The following CKAP2 variants were observed in gnomAD, a reference collection of about 807,000 sequenced individuals.
CKAP2 encodes cytoskeleton-associated protein 2.
A neutral mutation model predicts 58.4 loss-of-function variants in CKAP2; 46 were observed. The observed-to-expected ratio is 0.79, with a 90% CI of 0.62 to 1.01. The LOEUF (loss-of-function observed/expected upper bound fraction) is 1.01, where lower values mean the gene tolerates loss of function less well. CKAP2 is among the 50% of genes least tolerant of loss of function. The probability of loss-of-function intolerance (pLI) is 0.00; values close to 1 mark genes in which losing one functional copy is unlikely to be tolerated. For missense variants in CKAP2, 809 were observed against 796.4 expected, an observed-to-expected ratio of 1.02 and a Z score of -0.19; for synonymous variants, 293 against 280.9, an observed-to-expected ratio of 1.04 and a Z score of -0.43.
At chr13:52,464,531 C>T (rs540652680) in intron 5 of CKAP2, among the ~76,000 whole-genome samples, 19 of 101,368 alleles carry the variant, frequency 1.9e-4, no homozygotes, top group Middle Eastern at 9.1e-3. Context: ...CCAGCCTGGG[C>T]AACAAGAGCA....
rs192868791 is a variant in CKAP2 at position 52,465,316 on chromosome 13, C to T, written c.1327C>T (p.Leu443=). 3.7e-5 allele frequency: 60 copies of T among 1,612,046 alleles called. No homozygotes were observed. In the East Asian group the frequency reaches 1.3e-3, roughly 35 times the overall value. The change falls in exon 6 of 9, where the codon CTG becomes TTG. Residue 443 remains leucine, a synonymous_variant. Transcript: ENST00000258607. ...TTAGGGATGTCCAAAAGAAGATATA[C>T]TGGTCACACTGAATGACCTGATTAA... ...INEGCPKEDI[L]VTLNDLIKNI...
rs753544014 is a variant in CKAP2 at position 52,461,281 on chromosome 13, A to G, written c.455A>G (p.Asn152Ser). 12 of 1,613,790 alleles carry G rather than the reference A, an allele frequency of 7.4e-6. No homozygotes were observed. The South Asian group carries it at 1.1e-4, about 15-fold the overall frequency. ...AGCCAGGCATTTCACCTTAAAAACA[A>G]TAGTAAAAAGAAACAAATGACTACA... ...TLSQAFHLKN[N>S]SKKKQMTTEK... The change falls in exon 4 of 9, where the codon AAT (asparagine) becomes AGT (serine). Residue 152 changes from asparagine (N) to serine (S), a missense_variant. Coordinates refer to ENST00000258607, the MANE Select transcript of CKAP2 (RefSeq NM_018204.5).
rs995266683 is a variant in CKAP2, at chr13:52,461,270, C to T, written c.444C>T (p.His148=). Residue 148 remains histidine (H), a synonymous_variant, in exon 4 of 9, where the codon CAC becomes CAT. Coordinates refer to ENST00000258607, the MANE Select transcript of CKAP2 (RefSeq NM_018204.5). ...SQHMTLSQAF[H]LKNNSKKKQM... ...ATATGACATTAAGCCAGGCATTTCA[C>T]CTTAAAAACAATAGTAAAAAGAAAC... 1.9e-6 allele frequency: 3 copies of T among 1,613,434 alleles called. No individual in the cohort carries two copies. The African/African-American group carries it at 4.0e-5, about 22-fold the overall frequency.
intron 7 of CKAP2, among the ~76,000 whole-genome samples, chr13:52,470,085 C>G (rs1958740608): frequency 6.6e-6 from 1 of 151,154 alleles, no homozygotes; most frequent in East Asian, 1.9e-4. Context: ...TTAATTTTAA[C>G]AAGAGTCAAA....
rs746422156 is a variant in CKAP2 at position 52,455,569 on chromosome 13, G to A, written c.13G>A (p.Ala5Thr). 4 of 1,612,724 alleles carry A rather than the reference G, an allele frequency of 2.5e-6. 1 individual carries two copies. The South Asian group carries it at 3.3e-5, about 13-fold the overall frequency. ...ACCCGAGGCTACGATGAGCACACCG[G>A]CCGTGCCCCAGGACCTGCAGCTGCC... MSTP[A>T]VPQDLQLPPS... is the part of the protein sequence containing the mutation. The change falls in exon 1 of 9, where the codon GCC (alanine) becomes ACC (threonine). Residue 5 changes from alanine (A) to threonine (T), a missense_variant. By Grantham distance (58) the Ala-to-Thr change is moderately conservative. This residue lies in a region of CKAP2 where 523 missense variants were observed against 492.4 expected (regional missense o/e 1.06). Coordinates refer to ENST00000258607, the MANE Select transcript of CKAP2 (RefSeq NM_018204.5).
In CKAP2 at chr13:52,475,750, G is replaced by A. The variant is rs760393277; in HGVS notation, c.*609G>A. On this transcript the variant is annotated 3_prime_UTR_variant, in exon 9 of 9. Coordinates refer to ENST00000258607, the MANE Select transcript of CKAP2 (RefSeq NM_018204.5). ...GAAAGTGTCTGCACTGACACTTTTC[G>A]TCAGTAGTCTGTAGTTTCGTGGCCT... 1 of 152,168 alleles carries A rather than the reference G, an allele frequency of 6.6e-6. No individual in the cohort carries two copies. Among genetic ancestry groups the A allele is most frequent in the Non-Finnish European group, 1.5e-5 (1 of 68,030 alleles). The allele number at this position is 152,168 out of a possible 1,614,324, so 9.4% of individuals were successfully genotyped here.
At chr13:52,456,286 A>G (rs1236023340) in intron 1 of CKAP2, 1 of 755,266 alleles carries the variant, frequency 1.3e-6, no homozygotes, top group Middle Eastern at 4.6e-4. Flanking sequence ...GATTTTTCAC[A>G]GGGAGTAGAG....
intron 2 of CKAP2, among the ~76,000 whole-genome samples, chr13:52,460,538 G>A (rs12867138): frequency 3.1e-4 from 46 of 149,990 alleles, no homozygotes; most frequent in African/African-American, 1.1e-3. Flanking sequence ...TCCGCCTCCC[G>A]GGTTCATGCC....
chr13:52,465,901 A>T (rs538659637), intron 6 of CKAP2: 7 of 344,236 alleles, frequency 2.0e-5, no homozygotes, highest in Non-Finnish European at 3.4e-5. Flanking sequence ...ATGTACTCAT[A>T]TATGTATATA....
rs1438027789 is a variant in CKAP2, at chr13:52,475,861, T to G, written c.*720T>G. Reference sequence around the variant, plus strand: ...AGAAGATACTTTGTGTAAGAAAAGATGCCACATTTAGTGGTTTAACTTTTG... The same window carrying G: ...AGAAGATACTTTGTGTAAGAAAAGAGGCCACATTTAGTGGTTTAACTTTTG... On this transcript the variant is annotated 3_prime_UTR_variant, in exon 9 of 9. Transcript: ENST00000258607. The G allele has an allele frequency of 6.6e-6, 1 of 152,248 alleles. No homozygotes were observed. The highest frequency in any genetic ancestry group is 2.4e-5 in the African/African-American group (1 of 41,462). 9.4% of individuals were successfully genotyped at this position (152,248 alleles called of 1,614,324 possible).
chr13:52,457,956 A>G (rs1218570144), intron 2 of CKAP2, among the ~76,000 whole-genome samples: 1 of 152,220 alleles, frequency 6.6e-6, no homozygotes, highest in African/African-American at 2.4e-5. Context: ...AAATTTTAAC[A>G]ATAGGTGGAT....
Position 52,461,357 on chromosome 13 carries a change from T to C in CKAP2, c.531T>C (p.Ser177=), listed in dbSNP as rs754111083. ...TGCCCAAGAAACCTGTGCTTGGATC[T>C]TATCGTGGCCAGATTGTTCAGTCTA... ...ANMPKKPVLG[S]YRGQIVQSKI... The change falls in exon 4 of 9, where the codon TCT becomes TCC. Residue 177 remains serine, a synonymous_variant. Transcript: ENST00000258607. 5.6e-6 allele frequency: 9 copies of C among 1,614,234 alleles called. No homozygotes were observed. The Admixed American group carries it at 1.5e-4, about 27-fold the overall frequency.
intron 7 of CKAP2, 47 bp downstream of exon 7, chr13:52,468,394 T>TG: frequency 1.7e-6 from 2 of 1,173,112 alleles, no homozygotes; most frequent in Non-Finnish European, 2.5e-6. Context: ...GTAGTTTTTT[T>TG]TTGTTGTTGT....
At chr13:52,473,784 T>C in intron 7 of CKAP2, 45 bp from the exon 8 acceptor site, 1 of 1,535,908 alleles carries the variant, frequency 6.5e-7, no homozygotes, top group African/African-American at 1.4e-5. Flanking sequence ...GATTTTGTTC[T>C]TAAAATTCAG....
chr13:52,469,257 C>T (rs1958724353), intron 7 of CKAP2, among the ~76,000 whole-genome samples: 1 of 152,048 alleles, frequency 6.6e-6, no homozygotes, highest in African/African-American at 2.4e-5. Flanking sequence ...AGATCTGGCT[C>T]AATATTTAGA....
intron 2 of CKAP2, among the ~76,000 whole-genome samples, chr13:52,460,523 C>T (rs1024148804): frequency 6.0e-5 from 9 of 150,894 alleles, no homozygotes; most frequent in Admixed American, 2.6e-4. Flanking sequence ...TGGCTCACTG[C>T]GAACTCCGCC....
chr13:52,475,046 G>A lies in CKAP2; in HGVS notation c.1954G>A (p.Glu652Lys), dbSNP rs753291514. The change falls in exon 9 of 9, where the codon GAA becomes AAA. Residue 652 changes from glutamate (E) to lysine (K), a missense_variant. Glu to Lys is a moderately conservative substitution (Grantham distance 56). Transcript: ENST00000258607. ...TCATTATCCTTGTGTGTCTTCATTGGAACAGCTAACGGAGTTGGGAAGAGA... is the reference window on the plus strand; with the variant it reads ...TCATTATCCTTGTGTGTCTTCATTGAAACAGCTAACGGAGTTGGGAAGAGA... ...KDHYPCVSSL[E>K]QLTELGRETD... 3 of 1,614,196 alleles carry A rather than the reference G, an allele frequency of 1.9e-6. No individual in the cohort carries two copies. In the Admixed American group the frequency reaches 5.0e-5, roughly 27 times the overall value.
At position 52,472,067 on chromosome 13, in the gene CKAP2, T is replaced by C. The variant is rs552017857; in HGVS notation, c.1547-1762T>C. Among the ~76,000 whole-genome samples the C allele has an allele frequency of 3.9e-5, 6 of 152,348 alleles. No individual in the cohort carries two copies. The East Asian group carries it at 1.2e-3, about 29-fold the overall frequency. On this transcript the variant is annotated intron_variant, in intron 7 of 8. Transcript: ENST00000258607. The stretch of plus-strand genomic sequence containing the variant: ...AGGTCTCTCCAAGACAATCTTCTAC[T>C]TTTTCTTAATTTCTGCTTATCCTTT...
intron 2 of CKAP2, among the ~76,000 whole-genome samples, chr13:52,458,111 CAAAT>C (rs1386658821): frequency 6.6e-6 from 1 of 152,154 alleles, no homozygotes; most frequent in Admixed American, 6.5e-5. Context: ...TTATCCTTCA[CAAAT>C]AAATCTTTTA....
Sources: gnomAD v4.1 joint callset for allele counts (sites outside exome capture counted in the v4.1 genomes callset) on GRCh38, gnomAD v4.1.1 for gene constraint, gnomAD v4.1.1 regional missense constraint, MANE v1.5 for transcripts, NCBI Gene and HGNC (gene_info 2026-07-23, HGNC 2026-07-21) for gene names.